The following ATP11B variants were observed in gnomAD, a reference collection of about 807,000 sequenced individuals.
The protein encoded by ATP11B is ATPase phospholipid transporting 11B (putative).
Under a neutral mutation model 157.8 loss-of-function variants are expected in ATP11B, and 81 were observed. The observed-to-expected ratio is 0.51, with a 90% confidence interval of 0.43 to 0.62. The LOEUF is 0.62. Among genes scored for constraint, ATP11B ranks in the 20% least tolerant of loss-of-function variants. ATP11B has a pLI of 0.00. For missense variants in ATP11B, 1,165 were observed against 1,402.2 expected, an observed-to-expected ratio of 0.83 and a Z score of 2.70; for synonymous variants, 451 against 469.4, an observed-to-expected ratio of 0.96 and a Z score of 0.51.
intron 1 of ATP11B, among the ~76,000 whole-genome samples, chr3:182,812,497 C>T (rs1716730480): frequency 6.6e-6 from 1 of 152,150 alleles, no homozygotes; most frequent in Non-Finnish European, 1.5e-5. Flanking sequence ...TTAAATTCTC[C>T]CTTACTAAAA....
intron 1 of ATP11B, among the ~76,000 whole-genome samples, chr3:182,795,770 A>T (rs995219449): frequency 2.0e-5 from 3 of 152,246 alleles, no homozygotes; most frequent in African/African-American, 7.2e-5. Context: ...ATATTTTGCT[A>T]TCCCAGTCAT....
At chr3:182,851,357 A>C (rs1035238202) in intron 10 of ATP11B, among the ~76,000 whole-genome samples, 5 of 151,886 alleles carry the variant, frequency 3.3e-5, no homozygotes, top group Non-Finnish European at 7.4e-5. Flanking sequence ...AATTTTGTGT[A>C]TTTTTTTTCT....
chr3:182,904,476 A>G (rs568690918), intron 28 of ATP11B, among the ~76,000 whole-genome samples: 3 of 152,238 alleles, frequency 2.0e-5, no homozygotes, highest in Non-Finnish European at 4.4e-5. Flanking sequence ...GCATTGAGCA[A>G]TATTCCGTGG....
intron 1 of ATP11B, among the ~76,000 whole-genome samples, chr3:182,796,504 A>G (rs187572032): frequency 2.0e-5 from 3 of 152,334 alleles, no homozygotes; most frequent in South Asian, 2.1e-4. Context: ...TCATGTGTCT[A>G]TTGGCTGCCA....
At chr3:182,811,299 T>A (rs1199180263) in intron 1 of ATP11B, among the ~76,000 whole-genome samples, 1 of 152,180 alleles carries the variant, frequency 6.6e-6, no homozygotes, top group Non-Finnish European at 1.5e-5. Context: ...CATATAAAAT[T>A]TTTTTGTTTA....
At chr3:182,835,849 C>CA (rs1163172160) in intron 4 of ATP11B, among the ~76,000 whole-genome samples, 186 bp from the exon 5 acceptor site, 2 of 151,990 alleles carry the variant, frequency 1.3e-5, no homozygotes, top group African/African-American at 2.4e-5. Context: ...ATGTATATGA[C>CA]AAAAAAGAAG....
intron 18 of ATP11B, 57 bp from the exon 19 acceptor site, chr3:182,873,755 C>T (rs1721833601): frequency 7.1e-7 from 1 of 1,407,270 alleles, no homozygotes; most frequent in Admixed American, 1.7e-5. Flanking sequence ...TGTAGTTTAA[C>T]TTAAAATACA....
chr3:182,798,170 T>C (rs954141464), intron 1 of ATP11B, among the ~76,000 whole-genome samples: 2 of 152,176 alleles, frequency 1.3e-5, no homozygotes, highest in African/African-American at 4.8e-5. Flanking sequence ...ACAGAACACA[T>C]TGTGGAAGTC....
At chr3:182,831,841 C>T (rs1718172367) in intron 4 of ATP11B, among the ~76,000 whole-genome samples, 1 of 152,008 alleles carries the variant, frequency 6.6e-6, no homozygotes, top group African/African-American at 2.4e-5. Flanking sequence ...TTTAGTTTAT[C>T]CGTCACTTTC....
At chr3:182,808,345 G>C (rs763540065) in intron 1 of ATP11B, among the ~76,000 whole-genome samples, 5 of 152,164 alleles carry the variant, frequency 3.3e-5, no homozygotes, top group Admixed American at 1.3e-4. Flanking sequence ...ACTTAGATAT[G>C]CAGGAGACCC....
intron 10 of ATP11B, among the ~76,000 whole-genome samples, chr3:182,857,209 G>A (rs1423585259): frequency 1.3e-5 from 2 of 152,128 alleles, no homozygotes; most frequent in East Asian, 1.9e-4. Context: ...GCAGTGGCAC[G>A]ATCTCGCCTC....
At chr3:182,811,930 T>TTA (rs1185530340) in intron 1 of ATP11B, among the ~76,000 whole-genome samples, 1 of 152,188 alleles carries the variant, frequency 6.6e-6, no homozygotes, top group Non-Finnish European at 1.5e-5. Context: ...CTGCTGTTAT[T>TTA]TATTTAGTAA....
At chr3:182,895,062 G>A (rs1023393148) in intron 25 of ATP11B, among the ~76,000 whole-genome samples, 3 of 143,890 alleles carry the variant, frequency 2.1e-5, no homozygotes, top group African/African-American at 7.8e-5. Flanking sequence ...GCAGTGAGCC[G>A]AGATCATGCC....
chr3:182,861,732 A>G (rs1024395780), intron 12 of ATP11B, among the ~76,000 whole-genome samples: 1 of 152,224 alleles, frequency 6.6e-6, no homozygotes, highest in Non-Finnish European at 1.5e-5. Flanking sequence ...GTGTTACAAC[A>G]GAACTGATTA....
At chr3:182,856,458 A>G (rs955376153) in intron 10 of ATP11B, among the ~76,000 whole-genome samples, 4 of 152,180 alleles carry the variant, frequency 2.6e-5, no homozygotes, top group Non-Finnish European at 5.9e-5. Flanking sequence ...TAAACCAGGC[A>G]TTTTGTTGCC....
intron 4 of ATP11B, among the ~76,000 whole-genome samples, chr3:182,831,871 C>T (rs116360909): frequency 0.01 from 1,529 of 152,172 alleles, 25 homozygotes; most frequent in African/African-American, 0.035. Context: ...TCTAGCTCTA[C>T]GGTGCCAGAT....
At chr3:182,861,511 T>G (rs1402382796) in intron 12 of ATP11B, among the ~76,000 whole-genome samples, 2 of 152,114 alleles carry the variant, frequency 1.3e-5, no homozygotes, top group African/African-American at 4.8e-5. Context: ...GGTTGCAACT[T>G]AAGTGTTACT....
chr3:182,809,592 G>C (rs1716531399), intron 1 of ATP11B, among the ~76,000 whole-genome samples: 1 of 152,114 alleles, frequency 6.6e-6, no homozygotes, highest in African/African-American at 2.4e-5. Context: ...TCCTTTGCTT[G>C]AACTGTCACC....
intron 15 of ATP11B, among the ~76,000 whole-genome samples, chr3:182,868,220 A>G (rs1037272958): frequency 2.0e-5 from 3 of 151,836 alleles, no homozygotes; most frequent in East Asian, 1.9e-4. Flanking sequence ...ACAGCTGTCT[A>G]TATCTAGTTT....
Sources: allele counts gnomAD v4.1 joint callset (sites outside exome capture counted in the v4.1 genomes callset), GRCh38; gene constraint gnomAD v4.1.1; transcripts MANE v1.5; gene names NCBI Gene and HGNC (gene_info 2026-07-23, HGNC 2026-07-21).